Variants in FNBP4 observed in about 807,000 individuals in gnomAD.
The protein encoded by FNBP4 is formin binding protein 4, also known as formin-binding protein 4.
In FNBP4, 34 loss-of-function variants were observed where a neutral mutation model predicts 119.3. The observed-to-expected ratio is 0.28, with a 90% CI of 0.22 to 0.38. FNBP4 has a LOEUF of 0.38. Ranked by LOEUF, FNBP4 falls within the 10% of genes least tolerant of loss-of-function variation. FNBP4 has a pLI of 1.00. For missense variants in FNBP4, 1,112 were observed against 1,228.9 expected (o/e 0.90, Z 1.42); for synonymous variants, 462 against 430.6 (o/e 1.07, Z -0.90).
intron 2 of FNBP4, among the ~76,000 whole-genome samples, chr11:47,763,007 A>G (rs942336928): frequency 6.6e-6 from 1 of 151,480 alleles, no homozygotes; most frequent in African/African-American, 2.4e-5. Context: ...AAGCACTAGG[A>G]TTACAGGCAT....
At chr11:47,724,430 C>T (rs1318865099) in intron 13 of FNBP4, 38 bp downstream of exon 13, 1 of 1,613,712 alleles carries the variant, frequency 6.2e-7, no homozygotes, top group East Asian at 2.2e-5. Flanking sequence ...ATGTTCCAGT[C>T]CTCAAAATCA....
chr11:47,746,615 A>G (rs1310567049), intron 6 of FNBP4, among the ~76,000 whole-genome samples: 1 of 152,038 alleles, frequency 6.6e-6, no homozygotes, highest in Non-Finnish European at 1.5e-5. Flanking sequence ...CCCAGGTTCA[A>G]GCTATTCTCC....
chr11:47,737,434 C>A (rs1278945922), intron 8 of FNBP4, among the ~76,000 whole-genome samples: 2 of 151,950 alleles, frequency 1.3e-5, no homozygotes, highest in Admixed American at 6.6e-5. Context: ...AAAAGAGCAA[C>A]ATTATTAGCA....
Position 47,734,005 on chromosome 11 carries a change from A to AG in FNBP4, c.1686+19_1686+20insC. 1.6e-6 allele frequency: 2 copies of AG among 1,259,258 alleles called. No homozygotes were observed. Among genetic ancestry groups the AG allele is most frequent in the South Asian group, 1.7e-5 (1 of 59,640 alleles). The allele number at this position is 1,259,258 out of a possible 1,614,324, so 78.0% of individuals were successfully genotyped here. ...AAACACTTAACTGTTTATGCCAAAA[A>AG]AAAAAAAAAAAAGACTTACCTCAGT... On this transcript the variant is annotated intron_variant, in intron 10 of 16. Transcript: ENST00000263773.
intron 2 of FNBP4, among the ~76,000 whole-genome samples, chr11:47,756,471 TAGG>T (rs1041585657): frequency 9.2e-5 from 14 of 152,190 alleles, no homozygotes; most frequent in African/African-American, 3.4e-4. Context: ...ATTAATCATG[TAGG>T]AGTTCATATT....
At chr11:47,755,173 G>A (rs1043438235) in intron 2 of FNBP4, among the ~76,000 whole-genome samples, 1 of 150,360 alleles carries the variant, frequency 6.7e-6, no homozygotes, top group African/African-American at 2.4e-5. Flanking sequence ...ATCTGGGCTG[G>A]GCATGGTGGC....
Position 47,744,018 on chromosome 11 carries a change from C to T in FNBP4, c.1391G>A (p.Ser464Asn). 2 of 1,614,136 alleles carry T rather than the reference C, an allele frequency of 1.2e-6. No homozygotes were observed. The highest frequency in any genetic ancestry group is 2.7e-5 in the African/African-American group (2 of 75,024). ...GKWKMFVRAT[S>N]PESTSRSSSK... ...AGAACTCCTACTGGTAGATTCTGGA[C>T]TGGTAGCTCGAACAAACATCTTCCA... Residue 464 changes from serine to asparagine, a missense_variant, in exon 8 of 17, where the codon AGT (serine) becomes AAT (asparagine). By Grantham distance (46) the Ser-to-Asn change is conservative (BLOSUM62 1). This residue lies in a region of FNBP4 where 826 missense variants were observed against 988.8 expected (regional missense o/e 0.84). Coordinates refer to ENST00000263773, the MANE Select transcript of FNBP4 (RefSeq NM_015308.5).
chr11:47,730,189 T>C (rs2097565805), intron 12 of FNBP4: 1 of 985,274 alleles, frequency 1.0e-6, no homozygotes, highest in Non-Finnish European at 1.2e-6. Flanking sequence ...GTTCATTAAC[T>C]GCTAAAAAGC....
intron 8 of FNBP4, among the ~76,000 whole-genome samples, chr11:47,742,646 G>T (rs562168689): frequency 1.9e-3 from 286 of 151,950 alleles, no homozygotes; most frequent in Middle Eastern, 0.014. Flanking sequence ...CCAGCACCTT[G>T]CAAGGCTAAG....
intron 12 of FNBP4, among the ~76,000 whole-genome samples, chr11:47,727,934 C>A (rs1039817462): frequency 6.6e-6 from 1 of 152,142 alleles, no homozygotes; most frequent in Non-Finnish European, 1.5e-5. Flanking sequence ...GGTTGGAGTG[C>A]AATGGTGTGA....
intron 9 of FNBP4, among the ~76,000 whole-genome samples, chr11:47,736,253 G>GAAA (rs11439747): frequency 3.3e-4 from 47 of 143,788 alleles, no homozygotes; most frequent in East Asian, 1.0e-3. Context: ...GAAAAAAAAA[G>GAAA]AAAAAAAAAA....
intron 2 of FNBP4, among the ~76,000 whole-genome samples, chr11:47,761,134 C>T (rs2097633402): frequency 6.6e-6 from 1 of 151,876 alleles, no homozygotes; most frequent in African/African-American, 2.4e-5. Context: ...TGAAATATTA[C>T]TAAAGGGATT....
At chr11:47,753,842 A>ATCTTCC (rs1477389789) in intron 3 of FNBP4, among the ~76,000 whole-genome samples, 13 of 152,198 alleles carry the variant, frequency 8.5e-5, no homozygotes, top group Admixed American at 2.6e-4. Context: ...TTCTCAAATC[A>ATCTTCC]AAACCCTCAT....
At chr11:47,737,601 A>G (rs2097576036) in intron 8 of FNBP4, among the ~76,000 whole-genome samples, 1 of 150,822 alleles carries the variant, frequency 6.6e-6, no homozygotes, top group Non-Finnish European at 1.5e-5. Context: ...CACCGTGTTC[A>G]GCTAGTTTTT....
chr11:47,748,298 A>G (rs1269234000), intron 6 of FNBP4, among the ~76,000 whole-genome samples: 1 of 151,728 alleles, frequency 6.6e-6, no homozygotes, highest in Non-Finnish European at 1.5e-5. Context: ...AATAAAATGA[A>G]CTATTCCTGA....
chr11:47,734,176 T>G, intron 9 of FNBP4, 47 bp from the exon 10 acceptor site: 1 of 1,083,028 alleles, frequency 9.2e-7, no homozygotes, highest in Non-Finnish European at 1.4e-6. Context: ...CCGTAACATT[T>G]TCTGTATTAT....
At chr11:47,738,847 ATTTTT>A (rs71045510) in intron 8 of FNBP4, among the ~76,000 whole-genome samples, 13 of 110,968 alleles carry the variant, frequency 1.2e-4, no homozygotes, top group East Asian at 8.4e-4. Flanking sequence ...TGCCCAGGTA[ATTTTT>A]TTTTTTTTTT....
Position 47,723,119 on chromosome 11 carries a change from A to G in FNBP4, c.2662T>C (p.Leu888=). The G allele has an allele frequency of 1.2e-6, 2 of 1,614,016 alleles. No individual in the cohort carries two copies. Among genetic ancestry groups the G allele is most frequent in the East Asian group, 2.2e-5 (1 of 44,868 alleles). The change falls in exon 15 of 17, where the codon TTG becomes CTG. Residue 888 remains leucine (L), a synonymous_variant. Transcript: ENST00000263773. ...GCACCTCGGGCCTGAACTGGCTGCAATGAGGGAGCAGTCACTCCAATTGGG... is the reference window on the plus strand; with the variant it reads ...GCACCTCGGGCCTGAACTGGCTGCAGTGAGGGAGCAGTCACTCCAATTGGG... ...SVPIGVTAPS[L]QPVQARGAVP... is the part of the protein sequence containing the mutation.
rs2097557649 is a variant in FNBP4, at chr11:47,723,125, G to A, written c.2656C>T (p.Pro886Ser). The A allele has an allele frequency of 2.5e-6, 4 of 1,613,950 alleles. No homozygotes were observed. The highest frequency in any genetic ancestry group is 1.1e-5 in the South Asian group (1 of 91,068). Residue 886 changes from proline to serine, a missense_variant, in exon 15 of 17, where the codon CCC (proline) becomes TCC (serine). Pro to Ser is a moderately conservative substitution (Grantham distance 74). Transcript: ENST00000263773. ...CGGGCCTGAACTGGCTGCAATGAGG[G>A]AGCAGTCACTCCAATTGGGACAGAA... ...ECSVPIGVTA[P>S]SLQPVQARGA...
Sources: allele counts gnomAD v4.1 joint callset (sites outside exome capture counted in the v4.1 genomes callset), GRCh38; gene constraint gnomAD v4.1.1; regional missense constraint gnomAD v4.1.1; transcripts MANE v1.5; gene names NCBI Gene and HGNC (gene_info 2026-07-23, HGNC 2026-07-21).